The following ERBB4 variants were observed in gnomAD, a reference collection of about 807,000 sequenced individuals.
ERBB4 encodes erb-b2 receptor tyrosine kinase 4.
ERBB4 carries 42 observed loss-of-function variants against 158.0 expected under a neutral mutation model. That is an observed-to-expected ratio of 0.27 (90% CI 0.21 to 0.34). The LOEUF (loss-of-function observed/expected upper bound fraction) is 0.34, where lower values mean the gene tolerates loss of function less well. Among genes scored for constraint, ERBB4 ranks in the 10% least tolerant of loss-of-function variants. The pLI is 1.00. For synonymous variants in ERBB4, 583 were observed against 558.7 expected, an observed-to-expected ratio of 1.04 and a Z score of -0.61; for missense variants, 1,333 against 1,624.1, an observed-to-expected ratio of 0.82 and a Z score of 3.08.
chr2:212,289,444 T>A (rs1162591643), intron 1 of ERBB4, among the ~76,000 whole-genome samples: 1 of 152,220 alleles, frequency 6.6e-6, no homozygotes, highest in East Asian at 1.9e-4. Flanking sequence ...CCAGATTTTA[T>A]AATTGCCTAA....
chr2:211,774,580 C>T (rs1361498368), intron 4 of ERBB4, among the ~76,000 whole-genome samples: 2 of 152,150 alleles, frequency 1.3e-5, no homozygotes, highest in Non-Finnish European at 2.9e-5. Flanking sequence ...ATTTAGGGAA[C>T]AAGTGATTAT....
chr2:212,120,686 T>C (rs1252732794), intron 2 of ERBB4, among the ~76,000 whole-genome samples: 1 of 152,176 alleles, frequency 6.6e-6, no homozygotes. Flanking sequence ...AAAATTAAAG[T>C]AATTTCTTAA....
rs539959668 is a variant in ERBB4, at chr2:212,474,822, C to CT, written c.82+63626dup. ...CACCATTTCCTGACACCCGGCCATT[C>CT]TTTTTTTTTTTTTTTTTTGTCAAGA... On this transcript the variant is annotated intron_variant, in intron 1 of 27. Coordinates refer to ENST00000342788, the MANE Select transcript of ERBB4 (RefSeq NM_005235.3). Among the ~76,000 whole-genome samples the CT allele has an allele frequency of 5.4e-3, 514 of 94,404 alleles. 36 individuals carry two copies. The highest frequency in any genetic ancestry group is 0.016 in the African/African-American group (266 of 16,424). The allele number at this position is 94,404 out of a possible 152,430, so 61.9% of individuals were successfully genotyped here.
intron 1 of ERBB4, among the ~76,000 whole-genome samples, chr2:212,206,622 C>G (rs1279504798): frequency 4.1e-5 from 4 of 97,318 alleles, no homozygotes; most frequent in Admixed American, 9.0e-5. Context: ...GAGTCTCGCT[C>G]TTTTGCCCAG....
chr2:211,988,947 C>G (rs1373314889), intron 2 of ERBB4, among the ~76,000 whole-genome samples: 1 of 151,932 alleles, frequency 6.6e-6, no homozygotes, highest in Non-Finnish European at 1.5e-5. Context: ...AAATGAAACC[C>G]CATGAATGAA....
chr2:211,464,951 C>T (rs2064636953), intron 20 of ERBB4, among the ~76,000 whole-genome samples: 1 of 145,180 alleles, frequency 6.9e-6, no homozygotes, highest in Non-Finnish European at 1.5e-5. Context: ...AAGAGGCCCA[C>T]TGGAGCTTAC....
chr2:211,404,331 T>C (rs779667673), intron 25 of ERBB4, among the ~76,000 whole-genome samples: 1 of 152,014 alleles, frequency 6.6e-6, no homozygotes, highest in Non-Finnish European at 1.5e-5. Flanking sequence ...TATCCCCTCA[T>C]TTGTCTTTGT....
At chr2:211,402,248 T>G (rs967201841) in intron 25 of ERBB4, among the ~76,000 whole-genome samples, 1 of 152,034 alleles carries the variant, frequency 6.6e-6, no homozygotes. Flanking sequence ...ACCGGTTACA[T>G]TAGTATCCTG....
intron 1 of ERBB4, among the ~76,000 whole-genome samples, chr2:212,251,697 TA>T: frequency 6.6e-6 from 1 of 151,852 alleles, no homozygotes; most frequent in African/African-American, 2.4e-5. Flanking sequence ...AGGTATTTTT[TA>T]AAAAAAAGGT....
At chr2:212,436,919 G>C (rs2092149587) in intron 1 of ERBB4, among the ~76,000 whole-genome samples, 1 of 152,000 alleles carries the variant, frequency 6.6e-6, no homozygotes, top group Non-Finnish European at 1.5e-5. Context: ...CAAACTAGAG[G>C]TTATAAATGG....
chr2:212,494,735 A>T (rs568775437), intron 1 of ERBB4, among the ~76,000 whole-genome samples: 2 of 152,238 alleles, frequency 1.3e-5, no homozygotes, highest in South Asian at 4.1e-4. Flanking sequence ...ACATGCCTGT[A>T]TTTCTTTTCT....
At chr2:211,795,770 G>A (rs1575159419) in intron 3 of ERBB4, among the ~76,000 whole-genome samples, 1 of 151,678 alleles carries the variant, frequency 6.6e-6, no homozygotes, top group Non-Finnish European at 1.5e-5. Context: ...CTTGTATCTC[G>A]TTGGTCAGAA....
At chr2:212,215,771 T>C (rs1025769672) in intron 1 of ERBB4, among the ~76,000 whole-genome samples, 1 of 151,424 alleles carries the variant, frequency 6.6e-6, no homozygotes, top group Non-Finnish European at 1.5e-5. Flanking sequence ...ATTATAATTA[T>C]CTAACATTTA....
intron 25 of ERBB4, among the ~76,000 whole-genome samples, chr2:211,414,912 T>G (rs2063349062): frequency 6.6e-6 from 1 of 152,054 alleles, no homozygotes; most frequent in South Asian, 2.1e-4. Flanking sequence ...GCAGTAGTAG[T>G]TACCTCCTAG....
At chr2:212,066,253 A>G (rs925054687) in intron 2 of ERBB4, among the ~76,000 whole-genome samples, 20 of 152,010 alleles carry the variant, frequency 1.3e-4, no homozygotes, top group Non-Finnish European at 1.8e-4. Context: ...AGGGTTTTCA[A>G]AAAGTATAAT....
chr2:212,020,134 A>G (rs914100185), intron 2 of ERBB4, among the ~76,000 whole-genome samples: 8 of 152,118 alleles, frequency 5.3e-5, no homozygotes, highest in Non-Finnish European at 1.0e-4. Context: ...ACAGAGAATA[A>G]GATGCATATT....
At chr2:212,503,095 A>G (rs1205147005) in intron 1 of ERBB4, among the ~76,000 whole-genome samples, 1 of 152,194 alleles carries the variant, frequency 6.6e-6, no homozygotes, top group African/African-American at 2.4e-5. Flanking sequence ...ACCAGGCTAT[A>G]CTGAGAATCT....
At chr2:212,107,278 G>A (rs780608250) in intron 2 of ERBB4, among the ~76,000 whole-genome samples, 10 of 152,320 alleles carry the variant, frequency 6.6e-5, no homozygotes, top group South Asian at 2.1e-4. Context: ...TTGCATCAGC[G>A]TGACCTGGAT....
At chr2:211,510,692 G>A (rs2065864944) in intron 20 of ERBB4, among the ~76,000 whole-genome samples, 1 of 151,948 alleles carries the variant, frequency 6.6e-6, no homozygotes, top group Non-Finnish European at 1.5e-5. Context: ...ATTATTAAAA[G>A]TCATTAGTTT....
Sources: gnomAD v4.1 joint callset for allele counts (sites outside exome capture counted in the v4.1 genomes callset) on GRCh38, gnomAD v4.1.1 for gene constraint, MANE v1.5 for transcripts, NCBI Gene and HGNC (gene_info 2026-07-23, HGNC 2026-07-21) for gene names.